SEMA3F: variants seen among roughly 807,000 people sequenced by gnomAD.
The protein encoded by SEMA3F is semaphorin 3F, also known as semaphorin-3F.
SEMA3F carries 30 observed loss-of-function variants against 98.5 expected under a neutral mutation model. That is an observed-to-expected ratio of 0.30 (90% CI 0.23 to 0.41). The LOEUF (loss-of-function observed/expected upper bound fraction) is 0.41, where lower values mean the gene tolerates loss of function less well. Ranked by LOEUF, SEMA3F falls within the 10% of genes least tolerant of loss-of-function variation. SEMA3F has a pLI of 1.00. For missense variants in SEMA3F, 866 were observed against 1,119.3 expected (o/e 0.77, Z 3.23); for synonymous variants, 380 against 444.8 (o/e 0.85, Z 1.83).
At position 50,182,170 on chromosome 3, in the gene SEMA3F, C is replaced by A; in HGVS notation, c.644-114C>A. On this transcript the variant is annotated intron_variant, in intron 7 of 18. Transcript: ENST00000002829. The surrounding 1 kb of genome is among the most constrained non-coding windows in gnomAD (Gnocchi z 4.5). Reference sequence around the variant, plus strand: ...ACCAGCACTCCACTGGAGATAGGATCATGCCCCAGGGAGCCTGAGCGGGGA... The same window carrying A: ...ACCAGCACTCCACTGGAGATAGGATAATGCCCCAGGGAGCCTGAGCGGGGA... 1 of 1,338,778 alleles carries A rather than the reference C, an allele frequency of 7.5e-7. No individual in the cohort carries two copies. The highest frequency in any genetic ancestry group is 1.1e-6 in the Non-Finnish European group (1 of 948,450). The allele number at this position is 1,338,778 out of a possible 1,614,324, so 82.9% of individuals were successfully genotyped here. A position where few individuals can be genotyped will look rare whatever the true frequency, so the allele number is the denominator to read the frequency against.
intron 17 of SEMA3F, 98 bp from the exon 18 acceptor site, chr3:50,186,515 T>C: frequency 6.7e-7 from 1 of 1,484,694 alleles, no homozygotes; most frequent in Non-Finnish European, 9.2e-7. Context: ...CACAGAGCAC[T>C]ACATTGGTGA....
chr3:50,186,439 G>T, intron 17 of SEMA3F, 91 bp downstream of exon 17: 1 of 1,463,700 alleles, frequency 6.8e-7, no homozygotes, highest in East Asian at 2.3e-5. Flanking sequence ...CCACTGTAAG[G>T]GTGCTCTGAT....
At chr3:50,183,830 G>C (rs899953733) in intron 12 of SEMA3F, among the ~76,000 whole-genome samples, 6 of 152,168 alleles carry the variant, frequency 3.9e-5, no homozygotes, top group East Asian at 1.9e-4. Flanking sequence ...CTGAAGGTTG[G>C]GGGGAAGCGT....
chr3:50,175,156 G>T lies in SEMA3F; in HGVS notation c.517G>T (p.Ala173Ser). Residue 173 changes from alanine (A) to serine (S), a missense_variant, in exon 6 of 19, where the codon GCC becomes TCC. Coordinates refer to ENST00000002829, the MANE Select transcript of SEMA3F (RefSeq NM_004186.5). ...RGRGSRATDG[A>S]LRPMPTAPRQ... ...CCGCGGCAGCAGAGCCACGGATGGT[G>T]CCCTCCGCCCGATGCCCACAGCCCC... 6.2e-7 allele frequency: 1 copy of T among 1,607,136 alleles called. No individual in the cohort carries two copies. The highest frequency in any genetic ancestry group is 8.5e-7 in the Non-Finnish European group (1 of 1,177,384).
At chr3:50,176,132 C>A (rs1409704688) in intron 6 of SEMA3F, among the ~76,000 whole-genome samples, 2 of 152,186 alleles carry the variant, frequency 1.3e-5, no homozygotes, top group African/African-American at 2.4e-5. Context: ...TCCATGTGGT[C>A]TGGGCTGGAC....
chr3:50,157,857 T>TGGGGAGG (rs1281658994), intron 1 of SEMA3F, among the ~76,000 whole-genome samples: 1 of 152,112 alleles, frequency 6.6e-6, no homozygotes. Context: ...AATGAGGTCA[T>TGGGGAGG]GGGGAGGGGG....
At chr3:50,186,936 G>A (rs1056466396) in intron 18 of SEMA3F, among the ~76,000 whole-genome samples, 190 bp downstream of exon 18, 7 of 152,346 alleles carry the variant, frequency 4.6e-5, no homozygotes, top group Non-Finnish European at 7.3e-5. Context: ...TCTATGGAAA[G>A]TGTTTCTGGG....
chr3:50,172,943 G>T (rs1001607241), intron 2 of SEMA3F, among the ~76,000 whole-genome samples: 10 of 152,174 alleles, frequency 6.6e-5, no homozygotes, highest in Non-Finnish European at 1.0e-4. Context: ...CCCTGAGCGT[G>T]GGAGCATTAA....
Position 50,183,581 on chromosome 3 carries a change from T to C in SEMA3F, c.1233+17T>C, listed in dbSNP as rs1443050460. The C allele has an allele frequency of 5.0e-6, 8 of 1,612,058 alleles. No homozygotes were observed. Among genetic ancestry groups the C allele is most frequent in the Non-Finnish European group, 6.8e-6 (8 of 1,179,050 alleles). On this transcript the variant is annotated intron_variant, in intron 12 of 18. Coordinates refer to ENST00000002829, the MANE Select transcript of SEMA3F (RefSeq NM_004186.5). ...CCGGGCACGGTAAGGACCCCACTCA[T>C]CCTGCCTCTCCCCTTTCTCTTCTTC...
rs1176610898 is a variant in SEMA3F at position 50,156,490 on chromosome 3, G to T, written c.-49+926G>T. On this transcript the variant is annotated intron_variant, in intron 1 of 18. Coordinates refer to ENST00000002829, the MANE Select transcript of SEMA3F (RefSeq NM_004186.5). The surrounding 1 kb of genome is among the most constrained non-coding windows in gnomAD (Gnocchi z 4.5). ...ACACCAGTATGTCCACCCTGAAGCTGGGCCAGGTTGGGGACCTCTGTCCTC... is the reference window on the plus strand; with the variant it reads ...ACACCAGTATGTCCACCCTGAAGCTTGGCCAGGTTGGGGACCTCTGTCCTC... Among the ~76,000 whole-genome samples, 1 of 152,330 alleles carries T rather than the reference G, an allele frequency of 6.6e-6. No individual in the cohort carries two copies. The highest frequency in any genetic ancestry group is 1.9e-4 in the East Asian group (1 of 5,188).
At chr3:50,163,913 G>C (rs925690312) in intron 2 of SEMA3F, among the ~76,000 whole-genome samples, 2 of 152,222 alleles carry the variant, frequency 1.3e-5, no homozygotes, top group Non-Finnish European at 2.9e-5. Flanking sequence ...CAGATCCCTT[G>C]AGGCCAGATC....
intron 2 of SEMA3F, 36 bp downstream of exon 2, chr3:50,159,770 C>A: frequency 7.2e-7 from 1 of 1,392,246 alleles, no homozygotes; most frequent in South Asian, 1.2e-5. Flanking sequence ...AGAAATCATC[C>A]TCTCTTTACA....
At chr3:50,160,677 G>A (rs1698169942) in intron 2 of SEMA3F, among the ~76,000 whole-genome samples, 1 of 152,196 alleles carries the variant, frequency 6.6e-6, no homozygotes, top group African/African-American at 2.4e-5. Context: ...GGGTGGGGTC[G>A]ACTCAGCCCT....
intron 2 of SEMA3F, among the ~76,000 whole-genome samples, chr3:50,162,720 C>G (rs1291469194): frequency 6.6e-6 from 1 of 152,142 alleles, no homozygotes; most frequent in East Asian, 1.9e-4. Context: ...TCCCAGGAAG[C>G]TACCCCACGA....
rs954148334 is a variant in SEMA3F, at chr3:50,188,598, C to G, written c.*483C>G. The G allele has an allele frequency of 6.6e-6, 1 of 152,648 alleles. No individual in the cohort carries two copies. The highest frequency in any genetic ancestry group is 1.5e-5 in the Non-Finnish European group (1 of 68,110). The allele number at this position is 152,648 out of a possible 1,614,324, so 9.5% of individuals were successfully genotyped here. A position where few individuals can be genotyped will look rare whatever the true frequency, so the allele number is the denominator to read the frequency against. ...CACAGAGAAGGGAAGAAGGGGCCAT[C>G]ACAGGATGCCAGCCCCTGCCTGGGT... On this transcript the variant is annotated 3_prime_UTR_variant, in exon 19 of 19. Coordinates refer to ENST00000002829, the MANE Select transcript of SEMA3F (RefSeq NM_004186.5). This position sits in a 1 kb window ranked among gnomAD's most constrained non-coding sequence, Gnocchi z 4.5.
At chr3:50,162,727 A>G (rs184030416) in intron 2 of SEMA3F, among the ~76,000 whole-genome samples, 43 of 152,132 alleles carry the variant, frequency 2.8e-4, no homozygotes, top group Non-Finnish European at 5.6e-4. Context: ...AAGCTACCCC[A>G]CGACACACTG....
chr3:50,175,404 A>G (rs1698772989), intron 6 of SEMA3F, among the ~76,000 whole-genome samples: 1 of 152,228 alleles, frequency 6.6e-6, no homozygotes, highest in South Asian at 2.1e-4. Context: ...GCAAGAAATA[A>G]TGAAGCCGCC....
At chr3:50,161,248 A>G (rs888950334) in intron 2 of SEMA3F, among the ~76,000 whole-genome samples, 1 of 152,088 alleles carries the variant, frequency 6.6e-6, no homozygotes, top group Admixed American at 6.5e-5. Context: ...AGGAGGGGCA[A>G]AACAGAGAGG....
chr3:50,174,113 A>G lies in SEMA3F; in HGVS notation c.335A>G (p.Asn112Ser). Reference sequence around the variant, plus strand: ...TGCGTGCTCTCAGGCAAGGATGTCAACGTGAGTTTGGTGGGATCCACAGGT... The same window carrying G: ...TGCGTGCTCTCAGGCAAGGATGTCAGCGTGAGTTTGGTGGGATCCACAGGT... ...EECVLSGKDV[N>S]GECGNFVRLI... Residue 112 changes from asparagine to serine, a missense_variant and splice_region_variant, in exon 4 of 19, where the codon AAC becomes AGC. Physicochemically the swap from Asn to Ser is conservative, Grantham distance 46. Transcript: ENST00000002829. 2 of 1,614,134 alleles carry G rather than the reference A, an allele frequency of 1.2e-6. No homozygotes were observed. Among genetic ancestry groups the G allele is most frequent in the Middle Eastern group, 1.6e-4 (1 of 6,062 alleles).
Sources: allele counts gnomAD v4.1 joint callset (sites outside exome capture counted in the v4.1 genomes callset), GRCh38; gene constraint gnomAD v4.1.1; non-coding constraint Gnocchi (gnomAD v3.1); transcripts MANE v1.5; gene names NCBI Gene and HGNC (gene_info 2026-07-23, HGNC 2026-07-21).